The following KLF13 variants were observed in gnomAD, a reference collection of about 807,000 sequenced individuals.
The protein encoded by KLF13 is KLF transcription factor 13, also known as Krueppel-like factor 13.
Under a neutral mutation model 16.7 loss-of-function variants are expected in KLF13, and 8 were observed. That is an observed-to-expected ratio of 0.48 (90% CI 0.28 to 0.87). The LOEUF (loss-of-function observed/expected upper bound fraction) is 0.87. Ranked by LOEUF, KLF13 falls within the 40% of genes least tolerant of loss-of-function variation. The probability of loss-of-function intolerance (pLI) is 0.10; values close to 1 mark genes in which losing one functional copy is unlikely to be tolerated. For missense variants in KLF13, 447 were observed against 452.2 expected (o/e 0.99, Z 0.10); for synonymous variants, 245 against 208.4 (o/e 1.18, Z -1.51).
At chr15:31,397,341 G>A (rs2039967601) in intron 2 of KLF13, among the ~76,000 whole-genome samples, 1 of 152,246 alleles carries the variant, frequency 6.6e-6, no homozygotes, top group Non-Finnish European at 1.5e-5. Flanking sequence ...ATAATTACCG[G>A]GAGAATAATT....
intron 1 of KLF13, among the ~76,000 whole-genome samples, chr15:31,352,401 A>G (rs2039230808): frequency 6.6e-6 from 1 of 152,248 alleles, no homozygotes; most frequent in East Asian, 1.9e-4. Context: ...ACCTGACCGT[A>G]CCAGTGAGAA....
At chr15:31,390,415 G>C (rs901427883), upstream of KLF13, among the ~76,000 whole-genome samples, 1 of 152,146 alleles carries the variant, frequency 6.6e-6, no homozygotes, top group East Asian at 1.9e-4. Flanking sequence ...ATTTGGCCTA[G>C]TATAGAAAAC....
rs1177143936 is a variant in KLF13 at position 31,413,204 on chromosome 15, A to C, written n.117+19513A>C. Among the ~76,000 whole-genome samples, 60 of 125,644 alleles carry C rather than the reference A, an allele frequency of 4.8e-4. 3 individuals carry two copies. The highest frequency in any genetic ancestry group is 4.6e-3 in the East Asian group (17 of 3,680). 82.4% of individuals were successfully genotyped at this position (125,644 alleles called of 152,430 possible). Reference sequence around the variant, plus strand: ...TGAATAGACAAAAAAAAAAAAAAACAAAAAACAAAAAAACCAGCCTCAGAG... The same window carrying C: ...TGAATAGACAAAAAAAAAAAAAAACCAAAAACAAAAAAACCAGCCTCAGAG... On this transcript the variant is annotated intron_variant and non_coding_transcript_variant, in intron 1 of 1. Transcript: ENST00000558225.
chr15:31,378,110 G>C (rs952762123), downstream of KLF13, among the ~76,000 whole-genome samples: 1 of 152,134 alleles, frequency 6.6e-6, no homozygotes, highest in African/African-American at 2.4e-5. Context: ...CCCATGGGAA[G>C]CTATTTCAGC....
Position 31,327,137 on chromosome 15 carries a change from T to G in KLF13, c.-76T>G. The G allele has an allele frequency of 7.0e-5, 60 of 857,102 alleles. No individual in the cohort carries two copies. Among genetic ancestry groups the G allele is most frequent in the Admixed American group, 1.3e-4 (2 of 15,774 alleles). The allele number at this position is 857,102 out of a possible 1,614,324, so 53.1% of individuals were successfully genotyped here. ...CGCCGCGCCCCCGCCCCCCGCCCGC[T>G]CTCCCGAGGCCGTGGGTGCGGATGC... On this transcript the variant is annotated 5_prime_UTR_variant, in exon 1 of 2. Transcript: ENST00000307145.
At chr15:31,389,222 A>G (rs1279280493), upstream of KLF13, among the ~76,000 whole-genome samples, 1 of 152,206 alleles carries the variant, frequency 6.6e-6, no homozygotes, top group Non-Finnish European at 1.5e-5. Flanking sequence ...ATTCTTTCTT[A>G]TAATTATTTT....
intron 1 of KLF13, among the ~76,000 whole-genome samples, chr15:31,346,095 A>G (rs749073180): frequency 2.0e-5 from 3 of 151,944 alleles, no homozygotes; most frequent in Non-Finnish European, 2.9e-5. Context: ...CGGCCCAGGC[A>G]TATCTCTCAG....
At chr15:31,364,834 T>C (rs150510687) in intron 1 of KLF13, among the ~76,000 whole-genome samples, 189 of 152,368 alleles carry the variant, frequency 1.2e-3, no homozygotes, top group Admixed American at 2.3e-3. Context: ...GTCAGCTCCA[T>C]GTGGCTTAAT....
chr15:31,422,031 C>G (rs957985522), intron 1 of KLF13, among the ~76,000 whole-genome samples: 5 of 151,708 alleles, frequency 3.3e-5, no homozygotes, highest in Non-Finnish European at 7.4e-5. Context: ...AGGAGAATAG[C>G]TTGAACCTGG....
At chr15:31,386,452 T>C (rs1385819848) in intron 1 of KLF13, among the ~76,000 whole-genome samples, 2 of 152,114 alleles carry the variant, frequency 1.3e-5, no homozygotes, top group African/African-American at 2.4e-5. Context: ...TGAGCCGAGA[T>C]CGTGCCATTG....
chr15:31,329,278 G>C (rs1168339962), intron 1 of KLF13, among the ~76,000 whole-genome samples: 3 of 151,300 alleles, frequency 2.0e-5, no homozygotes, highest in Non-Finnish European at 4.4e-5. Flanking sequence ...TGGCCCTGGG[G>C]GAGGGGCCAG....
downstream of KLF13, among the ~76,000 whole-genome samples, chr15:31,379,964 C>T (rs796434590): frequency 8.5e-5 from 13 of 152,266 alleles, no homozygotes; most frequent in African/African-American, 3.1e-4. Flanking sequence ...CTAAGAGGGC[C>T]AAGCCTGGCA....
At chr15:31,379,663 G>A (rs1187350923), downstream of KLF13, among the ~76,000 whole-genome samples, 3 of 152,188 alleles carry the variant, frequency 2.0e-5, no homozygotes, top group Non-Finnish European at 4.4e-5. Flanking sequence ...TCTGGCATGC[G>A]TGTAGCACAT....
At chr15:31,368,066 C>G (rs2140963253) in intron 1 of KLF13, among the ~76,000 whole-genome samples, 1 of 151,688 alleles carries the variant, frequency 6.6e-6, no homozygotes, top group East Asian at 1.9e-4. Flanking sequence ...CCCCTCCCCT[C>G]TTCTCCATGC....
At chr15:31,358,495 T>C (rs2039334434) in intron 1 of KLF13, among the ~76,000 whole-genome samples, 2 of 152,264 alleles carry the variant, frequency 1.3e-5, no homozygotes, top group African/African-American at 4.8e-5. Context: ...ATTTTCATAA[T>C]AACAAATGAC....
intron 1 of KLF13, among the ~76,000 whole-genome samples, chr15:31,385,187 A>C (rs1013101912): frequency 6.6e-6 from 1 of 152,186 alleles, no homozygotes; most frequent in Non-Finnish European, 1.5e-5. Context: ...CTGCCTCTAG[A>C]ACTGTGAAAA....
intron 1 of KLF13, among the ~76,000 whole-genome samples, chr15:31,423,164 T>TATATGTATACGTATATATAC (rs371896440): frequency 3.9e-5 from 1 of 25,370 alleles, no homozygotes; most frequent in Non-Finnish European, 6.4e-5. Flanking sequence ...CGTATATATA[T>TATATGTATACGTATATATAC]GTATATATAT....
chr15:31,350,517 G>A (rs1198479568), intron 1 of KLF13, among the ~76,000 whole-genome samples: 2 of 152,252 alleles, frequency 1.3e-5, no homozygotes, highest in Non-Finnish European at 2.9e-5. Context: ...AATATGAAGT[G>A]TAGGAAATTA....
intron 1 of KLF13, among the ~76,000 whole-genome samples, chr15:31,422,861 C>T (rs1048423450): frequency 4.6e-5 from 7 of 151,686 alleles, no homozygotes; most frequent in Non-Finnish European, 1.0e-4. Context: ...ATGGCAAAAC[C>T]CTGTCTCTAC....
Sources: gnomAD v4.1 joint callset for allele counts (sites outside exome capture counted in the v4.1 genomes callset) on GRCh38, gnomAD v4.1.1 for gene constraint, MANE v1.5 for transcripts, NCBI Gene and HGNC (gene_info 2026-07-23, HGNC 2026-07-21) for gene names.